CLEC9A: variants seen among roughly 807,000 people sequenced by gnomAD.
CLEC9A encodes the protein C-type lectin domain containing 9A, also known as C-type lectin domain family 9 member A.
In CLEC9A, 24 loss-of-function variants were observed where a neutral mutation model predicts 30.0. The observed-to-expected ratio is 0.80, with a 90% CI of 0.58 to 1.13. The LOEUF is 1.13. Ranked by LOEUF, CLEC9A falls within the 50% of genes most tolerant of loss-of-function variation. The pLI, the probability that CLEC9A is intolerant of heterozygous loss-of-function variation, is 0.00. For synonymous variants in CLEC9A, 111 were observed against 96.8 expected, an observed-to-expected ratio of 1.15 and a Z score of -0.86; for missense variants, 251 against 280.9, an observed-to-expected ratio of 0.89 and a Z score of 0.76.
intron 2 of CLEC9A, among the ~76,000 whole-genome samples, chr12:10,046,252 A>T (rs1479329907): frequency 6.6e-6 from 1 of 152,222 alleles, no homozygotes; most frequent in Non-Finnish European, 1.5e-5. Context: ...AGGCACTGTG[A>T]CTTTTGCATT....
intron 7 of CLEC9A, among the ~76,000 whole-genome samples, chr12:10,064,009 C>G (rs748441915): frequency 4.6e-5 from 7 of 151,722 alleles, no homozygotes; most frequent in Non-Finnish European, 1.0e-4. Context: ...AACTCCATCT[C>G]AAAAAAATAA....
intron 2 of CLEC9A, among the ~76,000 whole-genome samples, chr12:10,049,810 T>C (rs1865877849): frequency 6.6e-6 from 1 of 152,244 alleles, no homozygotes; most frequent in African/African-American, 2.4e-5. Context: ...TGCTTTCTTA[T>C]TACTTGTATG....
At position 10,041,502 on chromosome 12, in the gene CLEC9A, C is replaced by T; in HGVS notation, c.-281C>T. 2.1e-6 allele frequency: 1 copy of T among 477,958 alleles called. No homozygotes were observed. The highest frequency in any genetic ancestry group is 4.1e-6 in the Non-Finnish European group (1 of 241,036). 29.6% of individuals were successfully genotyped at this position (477,958 alleles called of 1,614,324 possible). On this transcript the variant is annotated 5_prime_UTR_variant, in exon 2 of 9. Transcript: ENST00000355819. ...CGCAGCCCCTGTGATGCCAACTGGACATATTATGGAGATAGCTGCTATGGG... is the reference window on the plus strand; with the variant it reads ...CGCAGCCCCTGTGATGCCAACTGGATATATTATGGAGATAGCTGCTATGGG...
At chr12:10,035,265 G>T (rs1469175079) in intron 1 of CLEC9A, among the ~76,000 whole-genome samples, 18 of 152,286 alleles carry the variant, frequency 1.2e-4, no homozygotes, top group African/African-American at 2.4e-5. Flanking sequence ...GGGCCAGGAT[G>T]GTCTTGGGAA....
At chr12:10,065,423 A>C in intron 8 of CLEC9A, 77 bp from the exon 9 acceptor site, 1 of 1,551,494 alleles carries the variant, frequency 6.4e-7, no homozygotes, top group Non-Finnish European at 8.8e-7. Context: ...GCAGCTACAC[A>C]CCTCTCATTA....
intron 2 of CLEC9A, among the ~76,000 whole-genome samples, chr12:10,044,714 G>T (rs1270699033): frequency 2.0e-5 from 3 of 152,042 alleles, no homozygotes; most frequent in African/African-American, 7.2e-5. Context: ...CCACTGTTTT[G>T]TTTCTTTGTA....
chr12:10,060,737 T>C lies in CLEC9A; in HGVS notation c.173-390T>C. On this transcript the variant is annotated intron_variant, in intron 5 of 8. Coordinates refer to ENST00000355819, the MANE Select transcript of CLEC9A (RefSeq NM_207345.4). ...TGCATGTTAATGATAAAACAAAAGG[T>C]GCAAAACCATGTAAATATATTGTTA... 2 of 208,264 alleles carry C rather than the reference T, an allele frequency of 9.6e-6. 1 individual carries two copies. The highest frequency in any genetic ancestry group is 1.4e-4 in the South Asian group (2 of 13,846). The allele number at this position is 208,264 out of a possible 1,614,324, so 12.9% of individuals were successfully genotyped here.
chr12:10,034,427 A>G (rs145791243), intron 1 of CLEC9A, among the ~76,000 whole-genome samples: 4 of 152,338 alleles, frequency 2.6e-5, no homozygotes, highest in African/African-American at 9.6e-5. Context: ...GAACTCAATT[A>G]TATCACTTTT....
At chr12:10,038,651 T>C (rs1315245353) in intron 1 of CLEC9A, among the ~76,000 whole-genome samples, 1 of 152,236 alleles carries the variant, frequency 6.6e-6, no homozygotes, top group East Asian at 1.9e-4. Flanking sequence ...GCTACTCTAA[T>C]GGCAAAATAG....
intron 2 of CLEC9A, among the ~76,000 whole-genome samples, chr12:10,042,380 G>A (rs1391867026): frequency 6.6e-6 from 1 of 152,188 alleles, no homozygotes; most frequent in Non-Finnish European, 1.5e-5. Flanking sequence ...AGAACCTCAA[G>A]TCACTTCCTA....
intron 5 of CLEC9A, among the ~76,000 whole-genome samples, chr12:10,056,173 AT>A (rs1301143139): frequency 1.3e-5 from 2 of 151,232 alleles, no homozygotes; most frequent in African/African-American, 4.9e-5. Flanking sequence ...GAAATCTTAT[AT>A]GAAACCTATA....
intron 2 of CLEC9A, among the ~76,000 whole-genome samples, chr12:10,043,922 G>T (rs571299253): frequency 2.6e-5 from 4 of 151,940 alleles, no homozygotes; most frequent in African/African-American, 9.7e-5. Context: ...CTCATGATCC[G>T]CCTGCCTCAG....
chr12:10,054,304 T>C lies in CLEC9A; in HGVS notation c.125T>C (p.Val42Ala). 1 of 1,613,272 alleles carries C rather than the reference T, an allele frequency of 6.2e-7. No individual in the cohort carries two copies. Among genetic ancestry groups the C allele is most frequent in the Non-Finnish European group, 8.5e-7 (1 of 1,179,490 alleles). Residue 42 changes from valine (V) to alanine (A), a missense_variant, in exon 5 of 9, where the codon GTT becomes GCT. Coordinates refer to ENST00000355819, the MANE Select transcript of CLEC9A (RefSeq NM_207345.4). ...TGTCTTGTGATGGTGATTTCATGTG[T>C]TTTCTGCATGGGATTATTAACAGCA... ...ACCLVMVISC[V>A]FCMGLLTASI...
At chr12:10,061,879 A>G (rs1375264444) in intron 6 of CLEC9A, among the ~76,000 whole-genome samples, 11 of 152,208 alleles carry the variant, frequency 7.2e-5, no homozygotes, top group Admixed American at 7.2e-4. Context: ...GCTTGTACAT[A>G]TAGTTTAGAG....
chr12:10,037,866 GT>G (rs1865756825), intron 1 of CLEC9A, among the ~76,000 whole-genome samples: 1 of 152,136 alleles, frequency 6.6e-6, no homozygotes, highest in Non-Finnish European at 1.5e-5. Context: ...AGTGATCAGC[GT>G]TATGGAAAAG....
At chr12:10,041,308 G>A (rs1865795534) in intron 1 of CLEC9A, among the ~76,000 whole-genome samples, 158 bp from the exon 2 acceptor site, 4 of 152,112 alleles carry the variant, frequency 2.6e-5, no homozygotes, top group African/African-American at 4.8e-5. Flanking sequence ...ACTTTTAGTA[G>A]GTATTGTTTT....
chr12:10,038,131 G>A (rs1328174120), intron 1 of CLEC9A, among the ~76,000 whole-genome samples: 1 of 152,136 alleles, frequency 6.6e-6, no homozygotes, highest in Non-Finnish European at 1.5e-5. Context: ...TGACAAAAAT[G>A]GGTTTGGGAT....
chr12:10,033,709 A>G (rs950426690), intron 1 of CLEC9A, among the ~76,000 whole-genome samples: 8 of 152,212 alleles, frequency 5.3e-5, no homozygotes, highest in African/African-American at 1.9e-4. Context: ...GAATACCTTA[A>G]AAGAAATGCT....
At chr12:10,036,727 A>T (rs891852617) in intron 1 of CLEC9A, among the ~76,000 whole-genome samples, 1 of 152,218 alleles carries the variant, frequency 6.6e-6, no homozygotes, top group African/African-American at 2.4e-5. Flanking sequence ...TAGATAATAG[A>T]GTCTATGAAA....
Sources: allele counts gnomAD v4.1 joint callset (sites outside exome capture counted in the v4.1 genomes callset), GRCh38; gene constraint gnomAD v4.1.1; transcripts MANE v1.5; gene names NCBI Gene and HGNC (gene_info 2026-07-23, HGNC 2026-07-21).